The following ANAPC10 variants were observed in gnomAD, a reference collection of about 807,000 sequenced individuals.
ANAPC10 encodes anaphase-promoting complex subunit 10.
In ANAPC10, 12 loss-of-function variants were observed where a neutral mutation model predicts 22.0. The ratio of observed to expected loss-of-function variants is 0.55; its 90% CI spans 0.35 to 0.88. ANAPC10 has a LOEUF of 0.88. Ranked by LOEUF, ANAPC10 falls within the 40% of genes least tolerant of loss-of-function variation. The pLI is 0.01. For missense variants in ANAPC10, 188 were observed against 220.9 expected (o/e 0.85, Z 0.94); for synonymous variants, 65 against 69.5 (o/e 0.94, Z 0.32).
chr4:145,097,217 A>G (rs767782048), intron 1 of ANAPC10: 24 of 328,440 alleles, frequency 7.3e-5, no homozygotes, highest in African/African-American at 1.1e-4. Flanking sequence ...GCACAAAAAT[A>G]AGAAAAAAAT....
intron 4 of ANAPC10, 52 bp downstream of exon 4, chr4:145,064,520 T>A: frequency 2.7e-6 from 4 of 1,466,214 alleles, no homozygotes; most frequent in South Asian, 2.5e-5. Flanking sequence ...GACTATCTTC[T>A]AATGAGTAAA....
At chr4:145,052,640 C>T (rs1206342616) in intron 4 of ANAPC10, among the ~76,000 whole-genome samples, 3 of 151,936 alleles carry the variant, frequency 2.0e-5, no homozygotes, top group Non-Finnish European at 4.4e-5. Flanking sequence ...TGGCTCATGC[C>T]TATAATCCCA....
intron 4 of ANAPC10, among the ~76,000 whole-genome samples, chr4:145,036,756 GT>G (rs1738604628): frequency 6.6e-6 from 1 of 152,078 alleles, no homozygotes; most frequent in African/African-American, 2.4e-5. Context: ...GACTTAGTAA[GT>G]TAGCAAAACA....
At chr4:145,046,710 A>G (rs1166766301) in intron 4 of ANAPC10, among the ~76,000 whole-genome samples, 1 of 152,076 alleles carries the variant, frequency 6.6e-6, no homozygotes, top group African/African-American at 2.4e-5. Context: ...TTTTTTAAAA[A>G]TCCAAATAAC....
At chr4:144,997,549 C>T (rs1278867169) in intron 4 of ANAPC10, among the ~76,000 whole-genome samples, 1 of 151,992 alleles carries the variant, frequency 6.6e-6, no homozygotes, top group Non-Finnish European at 1.5e-5. Flanking sequence ...AGTTCACCAC[C>T]AGGCCTGCCT....
At chr4:145,090,451 C>A (rs1747502105) in intron 2 of ANAPC10, among the ~76,000 whole-genome samples, 1 of 152,178 alleles carries the variant, frequency 6.6e-6, no homozygotes, top group Admixed American at 6.6e-5. Flanking sequence ...CTTGCTTCAT[C>A]ATACAGAATA....
intron 4 of ANAPC10, among the ~76,000 whole-genome samples, chr4:145,002,997 C>T (rs1003550898): frequency 6.6e-6 from 1 of 152,090 alleles, no homozygotes; most frequent in Non-Finnish European, 1.5e-5. Flanking sequence ...AGGTAGTTTT[C>T]CATTCCCACC....
chr4:145,013,651 G>A (rs1354387296), intron 4 of ANAPC10, among the ~76,000 whole-genome samples: 1 of 152,110 alleles, frequency 6.6e-6, no homozygotes, highest in African/African-American at 2.4e-5. Context: ...GTGAATTTTA[G>A]CTCCAGAGTG....
chr4:145,076,231 C>A (rs34110169), intron 3 of ANAPC10, among the ~76,000 whole-genome samples: 16,052 of 152,192 alleles, frequency 0.11, 1,497 homozygotes, highest in East Asian at 0.45. Flanking sequence ...CACTGTGGCC[C>A]CTCCAGTACA....
chr4:145,043,455 C>A (rs1274665531), intron 4 of ANAPC10, among the ~76,000 whole-genome samples: 1 of 152,030 alleles, frequency 6.6e-6, no homozygotes, highest in African/African-American at 2.4e-5. Context: ...TGAACACTAA[C>A]CCTGACAAGT....
At chr4:144,996,225 G>C (rs1317690377) in intron 4 of ANAPC10, among the ~76,000 whole-genome samples, 2 of 152,182 alleles carry the variant, frequency 1.3e-5, no homozygotes, top group South Asian at 2.1e-4. Context: ...TAGGATCTTA[G>C]TGATGACAGA....
At chr4:145,039,417 AAG>A (rs1373038424) in intron 4 of ANAPC10, among the ~76,000 whole-genome samples, 1 of 152,196 alleles carries the variant, frequency 6.6e-6, no homozygotes, top group East Asian at 1.9e-4. Context: ...GAGTGGATGA[AAG>A]AGACATGATT....
At chr4:145,088,098 CTT>C in intron 2 of ANAPC10, among the ~76,000 whole-genome samples, 1 of 152,250 alleles carries the variant, frequency 6.6e-6, no homozygotes, top group Non-Finnish European at 1.5e-5. Flanking sequence ...TCCTGAAACA[CTT>C]GTTTCCTCTT....
chr4:145,025,944 T>A (rs987885630), intron 4 of ANAPC10, among the ~76,000 whole-genome samples: 2 of 152,128 alleles, frequency 1.3e-5, no homozygotes, highest in Middle Eastern at 3.2e-3. Flanking sequence ...AACTAAGGTC[T>A]TACCAGTTAG....
chr4:145,028,756 A>C (rs1471382930), intron 4 of ANAPC10, among the ~76,000 whole-genome samples: 1 of 152,222 alleles, frequency 6.6e-6, no homozygotes, highest in Non-Finnish European at 1.5e-5. Context: ...AGCGGCAAGG[A>C]GTTTAATGAC....
In ANAPC10 at chr4:145,089,166, A is replaced by C. The variant is rs551093668; in HGVS notation, c.115+6819T>G. On this transcript the variant is annotated intron_variant, in intron 2 of 4. Transcript: ENST00000507656. Reference sequence around the variant, plus strand: ...TATTTTCTGCAAAGCAAATATCACTATTCAACTCAGAAATCCTTTAACTCA... The same window carrying C: ...TATTTTCTGCAAAGCAAATATCACTCTTCAACTCAGAAATCCTTTAACTCA... Among the ~76,000 whole-genome samples the C allele has an allele frequency of 2.0e-4, 30 of 152,310 alleles. No individual in the cohort carries two copies. The South Asian group carries it at 6.2e-3, about 32-fold the overall frequency.
At chr4:145,020,367 T>C (rs554963136) in intron 4 of ANAPC10, among the ~76,000 whole-genome samples, 2 of 152,224 alleles carry the variant, frequency 1.3e-5, no homozygotes, top group South Asian at 2.1e-4. Flanking sequence ...GAAAAAGCAT[T>C]TGACAAAATC....
At chr4:145,084,916 C>T (rs1020566649) in intron 2 of ANAPC10, among the ~76,000 whole-genome samples, 1 of 152,092 alleles carries the variant, frequency 6.6e-6, no homozygotes, top group East Asian at 1.9e-4. Flanking sequence ...CCCTTTTAAA[C>T]GTAGCTACTA....
At chr4:145,087,992 G>A (rs985796668) in intron 2 of ANAPC10, among the ~76,000 whole-genome samples, 3 of 152,204 alleles carry the variant, frequency 2.0e-5, no homozygotes, top group Admixed American at 1.3e-4. Flanking sequence ...AGGTTGCAGT[G>A]AGCTGAGATC....
Sources: gnomAD v4.1 joint callset for allele counts (sites outside exome capture counted in the v4.1 genomes callset) on GRCh38, gnomAD v4.1.1 for gene constraint, MANE v1.5 for transcripts, NCBI Gene and HGNC (gene_info 2026-07-23, HGNC 2026-07-21) for gene names.